Variants in DLG2 observed in about 807,000 individuals in gnomAD.
DLG2 encodes disks large homolog 2.
In DLG2, 45 loss-of-function variants were observed where a neutral mutation model predicts 132.5. The ratio of observed to expected loss-of-function variants is 0.34; its 90% confidence interval spans 0.27 to 0.44. The LOEUF is 0.44. DLG2 is among the 20% of genes least tolerant of loss of function. The pLI, the probability that DLG2 is intolerant of heterozygous loss-of-function variation, is 1.00. For missense variants in DLG2, 1,045 were observed against 1,196.9 expected, an observed-to-expected ratio of 0.87 and a Z score of 1.87; for synonymous variants, 424 against 419.6, an observed-to-expected ratio of 1.01 and a Z score of -0.13.
intron 7 of DLG2, chr11:84,317,137 T>C (rs1355601612): frequency 6.2e-7 from 1 of 1,611,716 alleles, no homozygotes; most frequent in East Asian, 2.2e-5. Context: ...TGGTGAGGTA[T>C]GCATTCATAC....
chr11:83,732,308 G>A (rs1278234564), intron 18 of DLG2, among the ~76,000 whole-genome samples: 3 of 151,916 alleles, frequency 2.0e-5, no homozygotes, highest in African/African-American at 7.3e-5. Context: ...GGTAATTTTG[G>A]GTAACATTCT....
chr11:84,204,785 T>C (rs551286654), intron 8 of DLG2, among the ~76,000 whole-genome samples: 1 of 152,314 alleles, frequency 6.6e-6, no homozygotes, highest in South Asian at 2.1e-4. Flanking sequence ...CACTGCACCC[T>C]CTGCCTCCTG....
At chr11:83,698,200 A>C (rs1410506091) in intron 18 of DLG2, among the ~76,000 whole-genome samples, 1 of 152,228 alleles carries the variant, frequency 6.6e-6, no homozygotes, top group Non-Finnish European at 1.5e-5. Flanking sequence ...AAGTATGGTG[A>C]CTATTACTAT....
chr11:85,324,818 C>A (rs907706571), intron 3 of DLG2, among the ~76,000 whole-genome samples: 1 of 151,828 alleles, frequency 6.6e-6, no homozygotes, highest in Non-Finnish European at 1.5e-5. Context: ...CCAGCGTGAG[C>A]GACGCAGAAG....
chr11:83,482,512 T>C (rs1377667239), intron 22 of DLG2, among the ~76,000 whole-genome samples: 1 of 152,092 alleles, frequency 6.6e-6, no homozygotes, highest in African/African-American at 2.4e-5. Flanking sequence ...ACAGACTAAA[T>C]ACATGAACAA....
chr11:84,682,057 A>G (rs2099731770), intron 6 of DLG2, among the ~76,000 whole-genome samples: 1 of 152,078 alleles, frequency 6.6e-6, no homozygotes, highest in Admixed American at 6.5e-5. Context: ...ACCAGTTCTT[A>G]TGGGAAGTAA....
rs1565953434 is a variant in DLG2 at position 84,784,358 on chromosome 11, A to AATT, written c.358-249628_358-249627insAAT. 4.9e-3 allele frequency among the ~76,000 whole-genome samples: 645 copies of AATT among 132,290 alleles called. 4 individuals carry two copies. Among genetic ancestry groups the AATT allele is most frequent in the South Asian group, 0.011 (43 of 3,934 alleles). The allele number at this position is 132,290 out of a possible 152,430, so 86.8% of individuals were successfully genotyped here. On this transcript the variant is annotated intron_variant, in intron 6 of 27. Transcript: ENST00000376104. ...TAAATAAATAAATAAATAAATAAATAAATAAATAAATTAAACAAGAGTATA... is the reference window on the plus strand; with the variant it reads ...TAAATAAATAAATAAATAAATAAATAATTAATAAATAAATTAAACAAGAGTATA...
intron 6 of DLG2, among the ~76,000 whole-genome samples, chr11:85,062,970 G>A (rs566831166): frequency 6.6e-6 from 1 of 151,700 alleles, no homozygotes; most frequent in Non-Finnish European, 1.5e-5. Flanking sequence ...ATCCTGAAAT[G>A]CATGTACATA....
intron 10 of DLG2, among the ~76,000 whole-genome samples, chr11:84,083,811 C>T (rs2096936441): frequency 2.6e-5 from 4 of 151,962 alleles, no homozygotes; most frequent in African/African-American, 9.7e-5. Flanking sequence ...TTACAGTAAC[C>T]AAAAATGAAT....
intron 21 of DLG2, among the ~76,000 whole-genome samples, chr11:83,498,375 GAAATT>G (rs1444107069): frequency 1.3e-5 from 2 of 151,910 alleles, no homozygotes; most frequent in African/African-American, 4.8e-5. Flanking sequence ...ACAATGAAAT[GAAATT>G]AAAACTCAGT....
chr11:83,701,116 G>A (rs1438017972), intron 18 of DLG2, among the ~76,000 whole-genome samples: 3 of 152,104 alleles, frequency 2.0e-5, no homozygotes, highest in Admixed American at 1.3e-4. Context: ...CAGGAGTCCG[G>A]GAGATGGTGA....
intron 3 of DLG2, among the ~76,000 whole-genome samples, chr11:85,350,820 T>C (rs1596444531): frequency 6.6e-6 from 1 of 152,204 alleles, no homozygotes; most frequent in Non-Finnish European, 1.5e-5. Context: ...AGCCTTGTAG[T>C]ATAGTTTGAA....
At chr11:84,262,045 C>T (rs1433389362) in intron 7 of DLG2, among the ~76,000 whole-genome samples, 1 of 152,144 alleles carries the variant, frequency 6.6e-6, no homozygotes, top group Non-Finnish European at 1.5e-5. Flanking sequence ...GCTAATTATA[C>T]ACTGGTACTT....
intron 6 of DLG2, among the ~76,000 whole-genome samples, chr11:84,718,536 C>T (rs895813025): frequency 6.6e-5 from 10 of 152,214 alleles, no homozygotes; most frequent in African/African-American, 2.2e-4. Context: ...CTTGAAGGGT[C>T]GAATGCATAT....
At chr11:83,990,738 C>T (rs535017005) in intron 11 of DLG2, among the ~76,000 whole-genome samples, 1 of 152,276 alleles carries the variant, frequency 6.6e-6, no homozygotes, top group South Asian at 2.1e-4. Flanking sequence ...TAGGAGAGAG[C>T]TCTGGGCCAT....
intron 6 of DLG2, among the ~76,000 whole-genome samples, chr11:84,980,844 G>A (rs2055634330): frequency 6.6e-6 from 1 of 152,138 alleles, no homozygotes; most frequent in Non-Finnish European, 1.5e-5. Flanking sequence ...GCCTTGAAGT[G>A]CTCATGTCAC....
intron 8 of DLG2, among the ~76,000 whole-genome samples, chr11:84,201,255 T>A (rs557776211): frequency 3.9e-5 from 6 of 152,334 alleles, no homozygotes; most frequent in African/African-American, 1.4e-4. Context: ...ATTTATTGGT[T>A]TGTGTATGTT....
chr11:85,418,716 T>C (rs1425060213), intron 3 of DLG2, among the ~76,000 whole-genome samples: 2 of 152,014 alleles, frequency 1.3e-5, no homozygotes, highest in South Asian at 4.1e-4. Flanking sequence ...TTGTCTTTTT[T>C]ACTCTTTGTT....
chr11:83,751,388 CT>C (rs1474983450), intron 18 of DLG2, among the ~76,000 whole-genome samples: 1 of 152,002 alleles, frequency 6.6e-6, no homozygotes, highest in Non-Finnish European at 1.5e-5. Flanking sequence ...AGGACTTTGG[CT>C]TTTGCTCTGG....
Sources: gnomAD v4.1 joint callset for allele counts (sites outside exome capture counted in the v4.1 genomes callset) on GRCh38, gnomAD v4.1.1 for gene constraint, MANE v1.5 for transcripts, NCBI Gene and HGNC (gene_info 2026-07-23, HGNC 2026-07-21) for gene names.